Variants in TUSC7 observed in about 807,000 individuals in gnomAD.
TUSC7 encodes tumor suppressor candidate 7, also known as LSAMP antisense RNA 3.
At chr3:116,713,823 G>A (rs949800606) in intron 1 of TUSC7, among the ~76,000 whole-genome samples, 19 of 152,068 alleles carry the variant, frequency 1.2e-4, no homozygotes, top group African/African-American at 2.9e-4. Context: ...AAAATGAGCC[G>A]GGCATGGTGG....
chr3:116,714,710 A>C (rs1484822637), intron 1 of TUSC7, among the ~76,000 whole-genome samples: 2 of 152,134 alleles, frequency 1.3e-5, no homozygotes, highest in East Asian at 1.9e-4. Context: ...TTCACAGCAA[A>C]ATTAAGAGGA....
chr3:116,713,349 C>T (rs1205459375), intron 1 of TUSC7, among the ~76,000 whole-genome samples: 1 of 152,084 alleles, frequency 6.6e-6, no homozygotes, highest in African/African-American at 2.4e-5. Flanking sequence ...TAACAGCAGC[C>T]CTAAGGTCAT....
At chr3:116,710,376 G>A (rs1431829607) in intron 1 of TUSC7, 1 of 152,144 alleles carries the variant, frequency 6.6e-6, no homozygotes, top group Non-Finnish European at 1.5e-5. Context: ...GAGAGAAAAT[G>A]CCATGCAGAA....
chr3:116,715,667 GT>G (rs1159727064), intron 1 of TUSC7, among the ~76,000 whole-genome samples: 1 of 152,012 alleles, frequency 6.6e-6, no homozygotes, highest in African/African-American at 2.4e-5. Context: ...TTTAAATCGG[GT>G]TTGTTTTCTT....
chr3:116,716,007 C>T (rs2107473036), intron 1 of TUSC7, among the ~76,000 whole-genome samples: 2 of 152,186 alleles, frequency 1.3e-5, no homozygotes, highest in African/African-American at 4.8e-5. Flanking sequence ...AAAAAGTGCC[C>T]TGTGGAAGAA....
intron 1 of TUSC7, chr3:116,716,401 C>G (rs2051508101): frequency 6.6e-6 from 1 of 152,130 alleles, no homozygotes; most frequent in African/African-American, 2.4e-5. Context: ...ACTATCTAGA[C>G]TCAGTGAATC....
chr3:116,713,244 T>G (rs1443760602), intron 1 of TUSC7, among the ~76,000 whole-genome samples: 1 of 152,212 alleles, frequency 6.6e-6, no homozygotes, highest in Non-Finnish European at 1.5e-5. Flanking sequence ...ATTCTATAGA[T>G]GACCCAGTGA....
At chr3:116,712,794 G>A (rs1394817066) in intron 1 of TUSC7, 2 of 152,116 alleles carry the variant, frequency 1.3e-5, no homozygotes, top group Non-Finnish European at 2.9e-5. Context: ...ATTAAGTCTG[G>A]AGAGAAAGAG....
intron 1 of TUSC7, among the ~76,000 whole-genome samples, chr3:116,713,526 A>G (rs2051479800): frequency 6.6e-6 from 1 of 151,624 alleles, no homozygotes; most frequent in Admixed American, 6.6e-5. Flanking sequence ...CTAAGTATTG[A>G]GTAGAGATCT....
chr3:116,713,107 A>T (rs958403878), intron 1 of TUSC7, among the ~76,000 whole-genome samples: 1 of 152,208 alleles, frequency 6.6e-6, no homozygotes, highest in Non-Finnish European at 1.5e-5. Flanking sequence ...AATACAATGT[A>T]GACTATAATC....
At chr3:116,716,303 G>A (rs999084540) in intron 1 of TUSC7, 1 of 152,184 alleles carries the variant, frequency 6.6e-6, no homozygotes, top group African/African-American at 2.4e-5. Context: ...CCCAAAAAGT[G>A]GTCGGTCTTT....
chr3:116,715,965 A>C (rs899986846), intron 1 of TUSC7, among the ~76,000 whole-genome samples: 4 of 152,170 alleles, frequency 2.6e-5, no homozygotes, highest in African/African-American at 7.2e-5. Context: ...ATGTGTTTCC[A>C]AGTTCATGCC....
chr3:116,711,230 G>A (rs2051461016), intron 1 of TUSC7, among the ~76,000 whole-genome samples: 2 of 152,126 alleles, frequency 1.3e-5, no homozygotes, highest in Admixed American at 6.6e-5. Context: ...GTAAGGGCAT[G>A]CAGATTTATT....
At chr3:116,711,427 G>A (rs1367503311) in intron 1 of TUSC7, among the ~76,000 whole-genome samples, 1 of 152,100 alleles carries the variant, frequency 6.6e-6, no homozygotes, top group Non-Finnish European at 1.5e-5. Context: ...TCCTTTCAGG[G>A]ACTAAGAGGG....
chr3:116,716,028 G>T (rs2051502403), intron 1 of TUSC7, among the ~76,000 whole-genome samples: 1 of 152,078 alleles, frequency 6.6e-6, no homozygotes, highest in African/African-American at 2.4e-5. Context: ...AGGCCAGAAG[G>T]GGCAATTTGC....
At chr3:116,711,981 C>CA (rs1461675890) in intron 1 of TUSC7, among the ~76,000 whole-genome samples, 2 of 152,026 alleles carry the variant, frequency 1.3e-5, no homozygotes, top group African/African-American at 4.8e-5. Context: ...TTGTGAGGCA[C>CA]ATTTTATGAA....
chr3:116,713,314 C>T (rs2051478097), intron 1 of TUSC7, among the ~76,000 whole-genome samples: 1 of 152,178 alleles, frequency 6.6e-6, no homozygotes, highest in South Asian at 2.1e-4. Context: ...GCTGTATTAA[C>T]ATCATGCTGA....
chr3:116,716,740 C>T (rs1559925596), intron 1 of TUSC7: 2 of 152,182 alleles, frequency 1.3e-5, no homozygotes, highest in African/African-American at 4.8e-5. Context: ...TGTAGAGCCA[C>T]AGGGTTAAAA....
chr3:116,713,002 A>C (rs779208001), intron 1 of TUSC7: 1 of 152,228 alleles, frequency 6.6e-6, no homozygotes, highest in Non-Finnish European at 1.5e-5. Context: ...ATTTTAAATA[A>C]GAAAAAGCTA....
Sources: allele counts gnomAD v4.1 joint callset (sites outside exome capture counted in the v4.1 genomes callset), GRCh38; gene constraint gnomAD v4.1.1; transcripts MANE v1.5; gene names NCBI Gene and HGNC (gene_info 2026-07-23, HGNC 2026-07-21).